The following TSPAN8 variants were observed in gnomAD, a reference collection of about 807,000 sequenced individuals.
TSPAN8 encodes the protein tetraspanin 8, also known as tetraspanin-8.
A neutral mutation model predicts 32.8 loss-of-function variants in TSPAN8; 21 were observed. That is an observed-to-expected ratio of 0.64 (90% CI 0.45 to 0.92). The LOEUF (loss-of-function observed/expected upper bound fraction) is 0.92, where lower values mean the gene tolerates loss of function less well. Among genes scored for constraint, TSPAN8 ranks in the 40% least tolerant of loss-of-function variants. TSPAN8 has a pLI of 0.00. For synonymous variants in TSPAN8, 95 were observed against 94.6 expected, an observed-to-expected ratio of 1.00 and a Z score of -0.03; for missense variants, 269 against 281.9, an observed-to-expected ratio of 0.95 and a Z score of 0.33.
At chr12:71,144,429 AACTC>A (rs1872007710) in intron 2 of TSPAN8, among the ~76,000 whole-genome samples, 8 of 152,184 alleles carry the variant, frequency 5.3e-5, no homozygotes, top group Admixed American at 5.2e-4. Flanking sequence ...TCTCATCCAC[AACTC>A]ACTCACAGCT....
chr12:71,154,751 A>G (rs1872371500), intron 2 of TSPAN8, among the ~76,000 whole-genome samples: 1 of 152,234 alleles, frequency 6.6e-6, no homozygotes, highest in African/African-American at 2.4e-5. Context: ...TTACATAAGG[A>G]AAACAATGAC....
At chr12:71,150,331 G>A (rs557280406) in intron 2 of TSPAN8, among the ~76,000 whole-genome samples, 2 of 152,232 alleles carry the variant, frequency 1.3e-5, no homozygotes, top group African/African-American at 2.4e-5. Flanking sequence ...CCCTTATCAG[G>A]AGTTTCTGAT....
rs372283008 is a variant in TSPAN8, at chr12:71,144,173, C to G, written c.101G>C (p.Arg34Pro). ...ILILALAIWVRVSNDSQAIFG... is the reference protein window; with the variant it reads ...ILILALAIWVPVSNDSQAIFG... ...TACTGCTTGAGAGTCATTGCTTACT[C>G]GTACCCATATTGCTAATGCTAGGAT... The change falls in exon 3 of 9, where the codon CGA (arginine) becomes CCA (proline). Residue 34 changes from arginine to proline, a missense_variant. Physicochemically the swap from Arg to Pro is moderately radical, Grantham distance 103. Transcript: ENST00000247829. 2.5e-6 allele frequency: 4 copies of G among 1,611,742 alleles called. No homozygotes were observed. Among genetic ancestry groups the G allele is most frequent in the African/African-American group, 1.3e-5 (1 of 74,836 alleles).
intron 8 of TSPAN8, 41 bp downstream of exon 8, chr12:71,129,290 C>A: frequency 3.4e-6 from 5 of 1,477,620 alleles, no homozygotes; most frequent in South Asian, 1.3e-5. Flanking sequence ...AATGAACAAG[C>A]AAGGGAATAA....
chr12:71,151,897 C>T (rs892290048), intron 2 of TSPAN8, among the ~76,000 whole-genome samples: 1 of 152,236 alleles, frequency 6.6e-6, no homozygotes, highest in Non-Finnish European at 1.5e-5. Context: ...TATCCCTCTA[C>T]TCCTGCATAT....
At position 71,139,763 on chromosome 12, in the gene TSPAN8, C is replaced by T. The variant is rs1228317839; in HGVS notation, c.209G>A (p.Gly70Asp). ...IAVGAIIMILGFLGCCGAIKE... is the reference protein window; with the variant it reads ...IAVGAIIMILDFLGCCGAIKE... ...TATAGCACCGCAGCATCCCAGGAAGCCCAGAATCATGATGATGGCACCTAC... is the reference window on the plus strand; with the variant it reads ...TATAGCACCGCAGCATCCCAGGAAGTCCAGAATCATGATGATGGCACCTAC... The change falls in exon 4 of 9, where the codon GGC (glycine) becomes GAC (aspartate). Residue 70 changes from glycine (G) to aspartate (D), a missense_variant. Physicochemically the swap from Gly to Asp is moderately conservative, Grantham distance 94. Transcript: ENST00000247829. 1 of 1,613,832 alleles carries T rather than the reference C, an allele frequency of 6.2e-7. No homozygotes were observed. Among genetic ancestry groups the T allele is most frequent in the African/African-American group, 1.3e-5 (1 of 74,890 alleles).
At chr12:71,142,605 C>T (rs1002744940) in intron 3 of TSPAN8, among the ~76,000 whole-genome samples, 5 of 152,118 alleles carry the variant, frequency 3.3e-5, no homozygotes, top group African/African-American at 1.2e-4. Flanking sequence ...GGCTCACACA[C>T]CAGAGCTCCA....
chr12:71,148,030 G>A (rs185975030), intron 2 of TSPAN8, among the ~76,000 whole-genome samples: 19 of 152,172 alleles, frequency 1.2e-4, no homozygotes, highest in Middle Eastern at 3.4e-3. Flanking sequence ...GGGCTTTAGC[G>A]CAGAGTAAAT....
At position 71,127,173 on chromosome 12, in the gene TSPAN8, T is replaced by C. The variant is rs1490552044; in HGVS notation, c.661-1786A>G. Among the ~76,000 whole-genome samples the C allele has an allele frequency of 3.3e-5, 5 of 152,262 alleles. No individual in the cohort carries two copies. The East Asian group carries it at 7.7e-4, about 23-fold the overall frequency. ...TTTTAGAGGAGATTTTCTGTTTCTG[T>C]ATCTTTGTGTTTTTTTGAATTTGAA... On this transcript the variant is annotated intron_variant, in intron 8 of 8. Coordinates refer to ENST00000247829, the MANE Select transcript of TSPAN8 (RefSeq NM_004616.3).
intron 4 of TSPAN8, among the ~76,000 whole-genome samples, chr12:71,138,773 A>C (rs756324397): frequency 4.6e-5 from 7 of 152,144 alleles, no homozygotes; most frequent in Non-Finnish European, 7.4e-5. Flanking sequence ...ATGAGGCCTT[A>C]TTGTTCAAAA....
Position 71,133,153 on chromosome 12 carries a change from G to A in TSPAN8, c.445-329C>T, listed in dbSNP as rs187034698. The stretch of plus-strand genomic sequence containing the variant: ...GGCTGGAGTGCAGTGACGCGATCTC[G>A]GCTCACTGCAACCTCCAACTCCCTG... On this transcript the variant is annotated intron_variant, in intron 6 of 8. Transcript: ENST00000247829. Among the ~76,000 whole-genome samples, 308 of 152,114 alleles carry A rather than the reference G, an allele frequency of 2.0e-3. 1 individual carries two copies. Among genetic ancestry groups the A allele is most frequent in the African/African-American group, 6.7e-3 (278 of 41,514 alleles).
intron 2 of TSPAN8, among the ~76,000 whole-genome samples, chr12:71,152,643 A>G (rs556603402): frequency 6.6e-6 from 1 of 152,284 alleles, no homozygotes; most frequent in African/African-American, 2.4e-5. Flanking sequence ...TGCTCTATCA[A>G]CCAGTGGACT....
At chr12:71,145,308 G>C (rs1207690674) in intron 2 of TSPAN8, among the ~76,000 whole-genome samples, 1 of 152,074 alleles carries the variant, frequency 6.6e-6, no homozygotes, top group Non-Finnish European at 1.5e-5. Context: ...AATCATCTAG[G>C]TCTAAACCTC....
intron 6 of TSPAN8, among the ~76,000 whole-genome samples, chr12:71,134,018 A>G (rs1364760108): frequency 6.6e-6 from 1 of 152,208 alleles, no homozygotes; most frequent in African/African-American, 2.4e-5. Context: ...TAATCATTAA[A>G]TTTATTTATT....
intron 2 of TSPAN8, among the ~76,000 whole-genome samples, chr12:71,148,185 C>T (rs1028901703): frequency 6.6e-6 from 1 of 152,144 alleles, no homozygotes; most frequent in Admixed American, 6.5e-5. Context: ...ATGATTTTCC[C>T]ATGCTTCAAT....
intron 4 of TSPAN8, chr12:71,139,008 T>C (rs2137052306): frequency 5.5e-6 from 1 of 181,982 alleles, no homozygotes; most frequent in South Asian, 3.4e-5. Context: ...CTACTGTATA[T>C]GTTAAAAGTG....
In TSPAN8 at chr12:71,134,765, T is replaced by G. The variant is rs541456236; in HGVS notation, c.445-1941A>C. Reference sequence around the variant, plus strand: ...ACAGATCGGTTCATATTTGGAATATTGTAGACCTCAGGACTCCTTAGGGAG... The same window carrying G: ...ACAGATCGGTTCATATTTGGAATATGGTAGACCTCAGGACTCCTTAGGGAG... On this transcript the variant is annotated intron_variant, in intron 6 of 8. Transcript: ENST00000247829. Among the ~76,000 whole-genome samples, 10 of 152,360 alleles carry G rather than the reference T, an allele frequency of 6.6e-5. No homozygotes were observed. The South Asian group carries it at 1.7e-3, about 25-fold the overall frequency.
intron 6 of TSPAN8, among the ~76,000 whole-genome samples, chr12:71,135,277 GGAA>G (rs201140361): frequency 2.6e-4 from 35 of 132,476 alleles, no homozygotes; most frequent in African/African-American, 6.0e-4. Context: ...AGGAGGAGAA[GGAA>G]GAAGAAGAAG....
chr12:71,129,016 G>C lies in TSPAN8; in HGVS notation c.660+315C>G, dbSNP rs1161538754. ...TTGGAAAACTGTAACCCCTGTGCTAGTTTTCAGTGGGAAAAATATACCTGG... is the reference window on the plus strand; with the variant it reads ...TTGGAAAACTGTAACCCCTGTGCTACTTTTCAGTGGGAAAAATATACCTGG... On this transcript the variant is annotated intron_variant, in intron 8 of 8. Coordinates refer to ENST00000247829, the MANE Select transcript of TSPAN8 (RefSeq NM_004616.3). Among the ~76,000 whole-genome samples, 4 of 152,016 alleles carry C rather than the reference G, an allele frequency of 2.6e-5. 1 individual carries two copies. In the South Asian group the frequency reaches 8.3e-4, roughly 31 times the overall value.
Sources: allele counts gnomAD v4.1 joint callset (sites outside exome capture counted in the v4.1 genomes callset), GRCh38; gene constraint gnomAD v4.1.1; transcripts MANE v1.5; gene names NCBI Gene and HGNC (gene_info 2026-07-23, HGNC 2026-07-21).